Variants in DENND11 observed in about 807,000 individuals in gnomAD.
DENND11 encodes DENN domain containing 11, also known as DENN domain-containing protein 11.
Under a neutral mutation model 49.2 loss-of-function variants are expected in DENND11, and 34 were observed. That is an observed-to-expected ratio of 0.69 (90% CI 0.53 to 0.92). DENND11 has a LOEUF of 0.92. DENND11 is among the 40% of genes least tolerant of loss of function. DENND11 has a pLI of 0.00. For synonymous variants in DENND11, 238 were observed against 230.3 expected, an observed-to-expected ratio of 1.03 and a Z score of -0.30; for missense variants, 475 against 581.6, an observed-to-expected ratio of 0.82 and a Z score of 1.88.
In DENND11 at chr7:141,697,493, C is replaced by T. The variant is rs146069681; in HGVS notation, c.268+4393G>A. ...CGACATGACAGAGTTTCTCTTCCTGCGAGACGTTCTGGCCGGATATCAGAA... is the reference window on the plus strand; with the variant it reads ...CGACATGACAGAGTTTCTCTTCCTGTGAGACGTTCTGGCCGGATATCAGAA... On this transcript the variant is annotated intron_variant, in intron 1 of 8. Transcript: ENST00000536163. 2.1e-4 allele frequency among the ~76,000 whole-genome samples: 32 copies of T among 152,258 alleles called. No homozygotes were observed. The East Asian group carries it at 4.2e-3, about 20-fold the overall frequency.
chr7:141,695,897 G>A (rs1156362756), intron 1 of DENND11, among the ~76,000 whole-genome samples: 1 of 152,196 alleles, frequency 6.6e-6, no homozygotes, highest in East Asian at 1.9e-4. Context: ...ACATGACCAC[G>A]GGAGGCACAA....
intron 1 of DENND11, among the ~76,000 whole-genome samples, chr7:141,697,372 C>T (rs1798431486): frequency 6.6e-6 from 1 of 152,194 alleles, no homozygotes; most frequent in Admixed American, 6.5e-5. Flanking sequence ...AGGTGAATCA[C>T]CAACAGCCTG....
intron 1 of DENND11, among the ~76,000 whole-genome samples, chr7:141,696,184 C>A (rs760722613): frequency 9.9e-5 from 15 of 152,260 alleles, no homozygotes; most frequent in Non-Finnish European, 1.2e-4. Flanking sequence ...TGCACCAGGG[C>A]CTCCCAGAGC....
intron 5 of DENND11, 75 bp downstream of exon 5, chr7:141,666,212 G>T: frequency 6.8e-7 from 1 of 1,467,916 alleles, no homozygotes; most frequent in Non-Finnish European, 9.1e-7. Flanking sequence ...TCCAAACTTG[G>T]TCAGTGACAG....
At chr7:141,671,658 G>C (rs1450569729) in intron 4 of DENND11, among the ~76,000 whole-genome samples, 1 of 152,106 alleles carries the variant, frequency 6.6e-6, no homozygotes, top group Non-Finnish European at 1.5e-5. Context: ...CCTCATCCCT[G>C]GACTCTTATG....
intron 3 of DENND11, among the ~76,000 whole-genome samples, chr7:141,677,487 A>ATGTGTGTG (rs777782993): frequency 1.4e-3 from 191 of 137,740 alleles, no homozygotes; most frequent in African/African-American, 4.6e-3. Flanking sequence ...ATATATTTAT[A>ATGTGTGTG]TGTGTGTGTG....
intron 4 of DENND11, among the ~76,000 whole-genome samples, chr7:141,668,348 A>G (rs1797926511): frequency 6.6e-6 from 1 of 151,788 alleles, no homozygotes; most frequent in African/African-American, 2.4e-5. Context: ...GCACTTTGGG[A>G]GGCCGAGGTG....
At position 141,658,707 on chromosome 7, in the gene DENND11, A is replaced by G. The variant is rs1237650742; in HGVS notation, c.*3949T>C. The G allele has an allele frequency of 6.6e-6, 1 of 152,062 alleles. No individual in the cohort carries two copies. The highest frequency in any genetic ancestry group is 2.4e-5 in the African/African-American group (1 of 41,396). 9.4% of individuals were successfully genotyped at this position (152,062 alleles called of 1,614,324 possible). On this transcript the variant is annotated 3_prime_UTR_variant, in exon 9 of 9. Coordinates refer to ENST00000536163, the MANE Select transcript of DENND11 (RefSeq NM_001080392.2). ...CAAGGTTGACCTATACAGGGTCTGG[A>G]GAAAGCATCTCAATCCATTCCCTGG...
rs550383875 is a variant in DENND11, at chr7:141,662,886, G to T, written c.1173-35C>A. 2.7e-6 allele frequency: 4 copies of T among 1,457,506 alleles called. No individual in the cohort carries two copies. The Admixed American group carries it at 9.6e-5, about 35-fold the overall frequency. The allele number at this position is 1,457,506 out of a possible 1,614,324, so 90.3% of individuals were successfully genotyped here. On this transcript the variant is annotated intron_variant, in intron 8 of 8. Coordinates refer to ENST00000536163, the MANE Select transcript of DENND11 (RefSeq NM_001080392.2). ...GAAGACAAGACACAGGAAAGGAAGCGGGGGGGAATAAAAAGCTCACCAGAT... is the reference window on the plus strand; with the variant it reads ...GAAGACAAGACACAGGAAAGGAAGCTGGGGGGAATAAAAAGCTCACCAGAT...
At chr7:141,665,358 T>C in intron 5 of DENND11, 40 bp from the exon 6 acceptor site, 2 of 1,611,360 alleles carry the variant, frequency 1.2e-6, no homozygotes, top group Non-Finnish European at 1.7e-6. Context: ...GGTCTGCCCC[T>C]CCACAGCCCT....
At chr7:141,662,994 AAAGAGT>A (rs143617744) in intron 8 of DENND11, 143 bp from the exon 9 acceptor site, 18,468 of 574,524 alleles carry the variant, frequency 0.032, 553 homozygotes, top group South Asian at 0.13. Context: ...TAAAAAAAGA[AAAGAGT>A]AAAAGTTAAT....
chr7:141,685,648 C>G lies in DENND11; in HGVS notation c.369-12G>C. 1 of 1,613,502 alleles carries G rather than the reference C, an allele frequency of 6.2e-7. No individual in the cohort carries two copies. The highest frequency in any genetic ancestry group is 1.3e-5 in the African/African-American group (1 of 75,044). On this transcript the variant is annotated splice_polypyrimidine_tract_variant and intron_variant, in intron 2 of 8. Coordinates refer to ENST00000536163, the MANE Select transcript of DENND11 (RefSeq NM_001080392.2). ...CCTTTCGGAAATAGCTAGAAGAGAC[C>G]AAATACGTAGTGTGGCTCAAGATCA...
chr7:141,675,232 C>T (rs938768172), intron 3 of DENND11, among the ~76,000 whole-genome samples: 1 of 152,114 alleles, frequency 6.6e-6, no homozygotes, highest in Non-Finnish European at 1.5e-5. Flanking sequence ...CCAAGGAACC[C>T]CAAAGATTGC....
At chr7:141,677,424 CACAT>C (rs1192489723) in intron 3 of DENND11, among the ~76,000 whole-genome samples, 5 of 57,360 alleles carry the variant, frequency 8.7e-5, no homozygotes, top group South Asian at 1.0e-3. Context: ...TATATATATA[CACAT>C]ATATATGTGT....
chr7:141,689,217 G>A (rs1221771510), intron 1 of DENND11, among the ~76,000 whole-genome samples: 1 of 152,146 alleles, frequency 6.6e-6, no homozygotes, highest in Non-Finnish European at 1.5e-5. Flanking sequence ...GCCTATCAAT[G>A]GTAGACCGGA....
At chr7:141,665,164 T>C (rs948002741) in intron 6 of DENND11, 23 bp downstream of exon 6, 1 of 1,612,508 alleles carries the variant, frequency 6.2e-7, no homozygotes, top group African/African-American at 1.3e-5. Context: ...GAGGGCAAGA[T>C]GAGGGGAGGG....
chr7:141,675,617 C>T (rs931294122), intron 3 of DENND11, among the ~76,000 whole-genome samples: 7 of 152,200 alleles, frequency 4.6e-5, no homozygotes, highest in African/African-American at 1.7e-4. Flanking sequence ...CACACCGCCT[C>T]TGCAAACTGC....
intron 7 of DENND11, 34 bp downstream of exon 7, chr7:141,664,870 T>C: frequency 6.3e-7 from 1 of 1,589,090 alleles, no homozygotes; most frequent in East Asian, 2.3e-5. Flanking sequence ...CTGAGGAGGG[T>C]GGAGCCCCTG....
chr7:141,681,976 A>G (rs1246282063), intron 3 of DENND11, among the ~76,000 whole-genome samples: 1 of 152,360 alleles, frequency 6.6e-6, no homozygotes, highest in Non-Finnish European at 1.5e-5. Flanking sequence ...ATTCTTGCTC[A>G]GCAGAATTTC....
Sources: gnomAD v4.1 joint callset for allele counts (sites outside exome capture counted in the v4.1 genomes callset) on GRCh38, gnomAD v4.1.1 for gene constraint, MANE v1.5 for transcripts, NCBI Gene and HGNC (gene_info 2026-07-23, HGNC 2026-07-21) for gene names.